The following MAF variants were observed in gnomAD, a reference collection of about 807,000 sequenced individuals.
The protein encoded by MAF is MAF bZIP transcription factor.
In MAF, 10 loss-of-function variants were observed where a neutral mutation model predicts 22.0. The observed-to-expected ratio is 0.45, with a 90% CI of 0.28 to 0.77. The LOEUF is 0.77. Among genes scored for constraint, MAF ranks in the 30% least tolerant of loss-of-function variants. MAF has a pLI of 0.12. For synonymous variants in MAF, 337 were observed against 255.8 expected, an observed-to-expected ratio of 1.32 and a Z score of -3.03; for missense variants, 544 against 548.4, an observed-to-expected ratio of 0.99 and a Z score of 0.08.
At chr16:79,267,445 G>A in the MAF span, among the ~76,000 whole-genome samples, 1 of 152,214 alleles carries the variant, frequency 6.6e-6, no homozygotes, top group Non-Finnish European at 1.5e-5. Flanking sequence ...GTATGGGAAA[G>A]GAGGAGTGAA....
chr16:79,576,781 C>T, the MAF span, among the ~76,000 whole-genome samples: 6 of 152,072 alleles, frequency 3.9e-5, no homozygotes, highest in Non-Finnish European at 7.4e-5. Flanking sequence ...GCTTTACATA[C>T]ATTATCATAT....
Position 79,600,113 on chromosome 16 carries a change from C to G in MAF, c.-211G>C, listed in dbSNP as rs1032148715. On this transcript the variant is annotated 5_prime_UTR_variant, in exon 1 of 2. Coordinates refer to ENST00000326043, the MANE Select transcript of MAF (RefSeq NM_005360.5). ...CGCGCCCCCCGCGCCCGCCCTCCCT[C>G]CCCCCTGCTCACGCCAATGTGCTCC... is the stretch of plus-strand genomic sequence containing the variant. 3.5e-6 allele frequency: 2 copies of G among 570,384 alleles called. No homozygotes were observed. Among genetic ancestry groups the G allele is most frequent in the Admixed American group, 3.8e-5 (1 of 26,492 alleles). 35.3% of individuals were successfully genotyped at this position (570,384 alleles called of 1,614,324 possible). A position where few individuals can be genotyped will look rare whatever the true frequency, so the allele number is the denominator to read the frequency against.
the MAF span, among the ~76,000 whole-genome samples, chr16:79,482,298 C>T: frequency 2.6e-5 from 4 of 152,134 alleles, no homozygotes; most frequent in Middle Eastern, 3.2e-3. Flanking sequence ...GGGTTCATTT[C>T]CTTCTGTTGG....
the MAF span, among the ~76,000 whole-genome samples, chr16:79,342,163 C>T: frequency 2.6e-5 from 4 of 152,302 alleles, no homozygotes; most frequent in Non-Finnish European, 4.4e-5. Context: ...CAAAGTCACC[C>T]GGCAGGTAGG....
At chr16:79,256,883 A>T in the MAF span, among the ~76,000 whole-genome samples, 1 of 152,122 alleles carries the variant, frequency 6.6e-6, no homozygotes, top group African/African-American at 2.4e-5. Context: ...CACAAACCAT[A>T]AACAGAAGGG....
At chr16:79,306,215 G>A in the MAF span, among the ~76,000 whole-genome samples, 9 of 152,256 alleles carry the variant, frequency 5.9e-5, no homozygotes, top group Middle Eastern at 3.4e-3. Context: ...GCCCCAAAGC[G>A]TCAAATATCT....
the MAF span, among the ~76,000 whole-genome samples, chr16:79,334,268 C>G: frequency 6.6e-6 from 1 of 152,178 alleles, no homozygotes; most frequent in African/African-American, 2.4e-5. Context: ...ACAGCGACGG[C>G]AAAGAAGGGC....
At chr16:79,213,337 T>A in the MAF span, among the ~76,000 whole-genome samples, 2 of 152,238 alleles carry the variant, frequency 1.3e-5, no homozygotes, top group African/African-American at 2.4e-5. Flanking sequence ...CCCATAGCCT[T>A]GCCACATCCT....
the MAF span, among the ~76,000 whole-genome samples, chr16:79,423,391 C>T: frequency 3.2e-4 from 48 of 152,192 alleles, 1 homozygote; most frequent in African/African-American, 1.0e-3. Flanking sequence ...GATGTCAGCC[C>T]CTCCTATAAG....
At chr16:79,598,610 G>C in intron 1 of MAF, 175 bp downstream of exon 1, 1 of 1,412,960 alleles carries the variant, frequency 7.1e-7, no homozygotes, top group Non-Finnish European at 9.4e-7. Context: ...GTGTGTGTGT[G>C]GTGTGTGCGT....
the MAF span, among the ~76,000 whole-genome samples, chr16:79,575,852 C>T: frequency 6.6e-6 from 1 of 152,134 alleles, no homozygotes; most frequent in African/African-American, 2.4e-5. Context: ...AGGAAATTAA[C>T]ACATTCTTAT....
At chr16:79,275,936 T>C in the MAF span, among the ~76,000 whole-genome samples, 1 of 152,066 alleles carries the variant, frequency 6.6e-6, no homozygotes, top group Admixed American at 6.5e-5. Flanking sequence ...GGTCAGGAGA[T>C]CGAGACCGTC....
At chr16:79,441,038 C>T in the MAF span, among the ~76,000 whole-genome samples, 4 of 152,126 alleles carry the variant, frequency 2.6e-5, no homozygotes, top group Non-Finnish European at 2.9e-5. Context: ...AATTAAAATC[C>T]GCCTCCATAC....
At chr16:79,314,410 G>T in the MAF span, among the ~76,000 whole-genome samples, 34,279 of 151,960 alleles carry the variant, frequency 0.23, 4,922 homozygotes, top group East Asian at 0.61. Flanking sequence ...TTACATGGAA[G>T]TCTGGGTCTG....
At chr16:79,557,760 G>A in the MAF span, among the ~76,000 whole-genome samples, 1 of 152,048 alleles carries the variant, frequency 6.6e-6, no homozygotes. Flanking sequence ...TATGTGTTAA[G>A]TGCCTACTGT....
chr16:79,485,628 G>GT, the MAF span, among the ~76,000 whole-genome samples: 99 of 152,224 alleles, frequency 6.5e-4, no homozygotes, highest in Non-Finnish European at 7.9e-4. Context: ...TAAGAAAAAG[G>GT]TTTTTTTAAA....
chr16:79,455,444 C>A, the MAF span, among the ~76,000 whole-genome samples: 1 of 152,136 alleles, frequency 6.6e-6, no homozygotes, highest in South Asian at 2.1e-4. Flanking sequence ...CTAGTACATA[C>A]ATATAGTGGA....
the MAF span, among the ~76,000 whole-genome samples, chr16:79,417,347 AGTCT>A: frequency 1.3e-5 from 2 of 152,256 alleles, no homozygotes; most frequent in African/African-American, 2.4e-5. Context: ...GCACAAAGTC[AGTCT>A]GTCTGCAACT....
chr16:79,442,428 G>A, the MAF span, among the ~76,000 whole-genome samples: 2 of 152,092 alleles, frequency 1.3e-5, no homozygotes, highest in South Asian at 2.1e-4. Flanking sequence ...CTGGAATGTA[G>A]CAGCCCAGTT....
Sources: allele counts gnomAD v4.1 joint callset (sites outside exome capture counted in the v4.1 genomes callset), GRCh38; gene constraint gnomAD v4.1.1; transcripts MANE v1.5; gene names NCBI Gene and HGNC (gene_info 2026-07-23, HGNC 2026-07-21).